IMMP2L: variants seen among roughly 807,000 people sequenced by gnomAD.
IMMP2L encodes mitochondrial inner membrane protease subunit 2.
Under a neutral mutation model 19.3 loss-of-function variants are expected in IMMP2L, and 18 were observed. The observed-to-expected ratio is 0.93, with a 90% CI of 0.64 to 1.38. The LOEUF (loss-of-function observed/expected upper bound fraction) is 1.38. IMMP2L is among the 40% of genes most tolerant of loss of function. The pLI, the probability that IMMP2L is intolerant of heterozygous loss-of-function variation, is 0.00. For missense variants in IMMP2L, 233 were observed against 218.2 expected (o/e 1.07, Z -0.43); for synonymous variants, 76 against 73.0 (o/e 1.04, Z -0.21).
intron 4 of IMMP2L, among the ~76,000 whole-genome samples, chr7:110,908,233 A>T (rs566845800): frequency 2.6e-5 from 4 of 152,150 alleles, no homozygotes; most frequent in Admixed American, 2.0e-4. Context: ...CCCCTTTTTT[A>T]TTAAGCCATC....
chr7:110,904,463 C>A (rs1404527215), intron 4 of IMMP2L, among the ~76,000 whole-genome samples: 1 of 152,142 alleles, frequency 6.6e-6, no homozygotes, highest in African/African-American at 2.4e-5. Context: ...CATTATTTTG[C>A]ATGTGGATAT....
chr7:110,928,750 C>T (rs1441704531), intron 4 of IMMP2L, among the ~76,000 whole-genome samples: 3 of 152,024 alleles, frequency 2.0e-5, no homozygotes, highest in African/African-American at 7.2e-5. Flanking sequence ...ATAATCTATC[C>T]CTCACCAACT....
chr7:111,231,281 A>C (rs1256247836), intron 3 of IMMP2L, among the ~76,000 whole-genome samples: 2 of 151,990 alleles, frequency 1.3e-5, no homozygotes, highest in African/African-American at 2.4e-5. Flanking sequence ...TTAGTGCTTA[A>C]CAAACTTAAT....
At chr7:111,147,676 C>A (rs1391734161) in intron 3 of IMMP2L, among the ~76,000 whole-genome samples, 2 of 152,042 alleles carry the variant, frequency 1.3e-5, no homozygotes, top group Non-Finnish European at 2.9e-5. Flanking sequence ...GTGGCTCTAG[C>A]CCTCCATAGA....
rs115095552 is a variant in IMMP2L at position 111,080,437 on chromosome 7, T to C, written c.240-116872A>G. 8.9e-3 allele frequency among the ~76,000 whole-genome samples: 1,347 copies of C among 151,746 alleles called. 25 individuals carry two copies. Among genetic ancestry groups the C allele is most frequent in the African/African-American group, 0.031 (1,274 of 41,414 alleles). On this transcript the variant is annotated intron_variant, in intron 3 of 5. Coordinates refer to ENST00000405709, the MANE Select transcript of IMMP2L (RefSeq NM_032549.4). ...GTATATACTTATATACACATGTATATTCTTATATACATAAATATATGTATA... is the reference window on the plus strand; with the variant it reads ...GTATATACTTATATACACATGTATACTCTTATATACATAAATATATGTATA...
intron 3 of IMMP2L, among the ~76,000 whole-genome samples, chr7:111,318,460 C>T (rs1160798854): frequency 6.6e-6 from 1 of 152,094 alleles, no homozygotes; most frequent in Non-Finnish European, 1.5e-5. Context: ...AGCAACTCCC[C>T]AGGAAAAGAT....
chr7:111,017,546 C>G (rs1344538479), intron 3 of IMMP2L, among the ~76,000 whole-genome samples: 2 of 152,146 alleles, frequency 1.3e-5, no homozygotes, highest in Non-Finnish European at 2.9e-5. Flanking sequence ...TTAGATACCC[C>G]ACTCCCAGAT....
chr7:111,504,472 T>C (rs1331595640), intron 2 of IMMP2L, among the ~76,000 whole-genome samples: 1 of 151,974 alleles, frequency 6.6e-6, no homozygotes, highest in Admixed American at 6.6e-5. Flanking sequence ...AAAAAACTAC[T>C]TTAAAGTTCA....
At chr7:111,243,451 A>C (rs1362520158) in intron 3 of IMMP2L, among the ~76,000 whole-genome samples, 1 of 151,798 alleles carries the variant, frequency 6.6e-6, no homozygotes, top group Non-Finnish European at 1.5e-5. Context: ...TTTTACATAT[A>C]TAATTTTAAA....
At chr7:110,945,594 A>T (rs1740852497) in intron 4 of IMMP2L, among the ~76,000 whole-genome samples, 1 of 152,008 alleles carries the variant, frequency 6.6e-6, no homozygotes, top group Non-Finnish European at 1.5e-5. Context: ...ATGTACTGAC[A>T]GCTTCCACTT....
chr7:110,884,716 T>C (rs1392223516), intron 5 of IMMP2L, among the ~76,000 whole-genome samples: 1 of 152,134 alleles, frequency 6.6e-6, no homozygotes, highest in Non-Finnish European at 1.5e-5. Context: ...GAGACACTTC[T>C]ATACTGTAAG....
chr7:111,421,368 C>G (rs1374301654), intron 3 of IMMP2L, among the ~76,000 whole-genome samples: 1 of 146,200 alleles, frequency 6.8e-6, no homozygotes, highest in Admixed American at 7.0e-5. Context: ...CTCCCGGGTT[C>G]ACGCCATTCT....
At chr7:110,951,501 G>T (rs1817828442) in intron 4 of IMMP2L, among the ~76,000 whole-genome samples, 1 of 151,926 alleles carries the variant, frequency 6.6e-6, no homozygotes. Context: ...TGTTCATTGT[G>T]TGTTAAAGCT....
chr7:111,424,125 A>AT (rs112108164), intron 3 of IMMP2L, among the ~76,000 whole-genome samples: 4 of 151,996 alleles, frequency 2.6e-5, no homozygotes, highest in African/African-American at 9.7e-5. Context: ...AGGATGTATG[A>AT]TTTTTTAAGT....
intron 5 of IMMP2L, among the ~76,000 whole-genome samples, chr7:110,880,985 C>T (rs1303134127): frequency 2.0e-5 from 3 of 152,112 alleles, no homozygotes; most frequent in Non-Finnish European, 4.4e-5. Flanking sequence ...GAAGCTAAGA[C>T]TGCCTCTTCT....
rs116027425 is a variant in IMMP2L, at chr7:111,056,155, T to C, written c.240-92590A>G. On this transcript the variant is annotated intron_variant, in intron 3 of 5. Coordinates refer to ENST00000405709, the MANE Select transcript of IMMP2L (RefSeq NM_032549.4). ...ATATTCATATCTATTTAGCATGGCA[T>C]AGCATTTAATAGATTGTTATTAATG... 9.1e-3 allele frequency among the ~76,000 whole-genome samples: 1,385 copies of C among 152,352 alleles called. 23 individuals carry two copies. Among genetic ancestry groups the C allele is most frequent in the African/African-American group, 0.029 (1,207 of 41,574 alleles).
chr7:111,483,298 T>C (rs1177679123), intron 3 of IMMP2L: 1 of 152,174 alleles, frequency 6.6e-6, no homozygotes, highest in Non-Finnish European at 1.5e-5. Flanking sequence ...TTAAGTGATA[T>C]ATTATTGTGA....
rs188687556 is a variant in IMMP2L, at chr7:110,671,674, T to C, written c.409-7953A>G. On this transcript the variant is annotated intron_variant, in intron 5 of 5. Coordinates refer to ENST00000405709, the MANE Select transcript of IMMP2L (RefSeq NM_032549.4). The stretch of plus-strand genomic sequence containing the variant: ...GGGGGACAGATGTGTGTGGCTTTTG[T>C]TCCCTCCCCTCCCTTTCCACAAACC... 2.1e-3 allele frequency among the ~76,000 whole-genome samples: 314 copies of C among 152,240 alleles called. 1 individual carries two copies. The highest frequency in any genetic ancestry group is 7.2e-3 in the African/African-American group (299 of 41,554).
chr7:111,117,273 A>C (rs576463285), intron 3 of IMMP2L, among the ~76,000 whole-genome samples: 8 of 152,264 alleles, frequency 5.3e-5, no homozygotes, highest in South Asian at 4.1e-4. Flanking sequence ...TGATGTTCAC[A>C]GAATAGTATC....
Sources: allele counts gnomAD v4.1 joint callset (sites outside exome capture counted in the v4.1 genomes callset), GRCh38; gene constraint gnomAD v4.1.1; transcripts MANE v1.5; gene names NCBI Gene and HGNC (gene_info 2026-07-23, HGNC 2026-07-21).